GALNT13: variants seen among roughly 807,000 people sequenced by gnomAD.
GALNT13 encodes polypeptide N-acetylgalactosaminyltransferase 13, also known as UDP-GalNAc:polypeptide N-acetylgalactosaminyltransferase 13.
Under a neutral mutation model 64.2 loss-of-function variants are expected in GALNT13, and 28 were observed. The observed-to-expected ratio is 0.44, with a 90% CI of 0.32 to 0.60. The LOEUF (loss-of-function observed/expected upper bound fraction) is 0.60. GALNT13 is among the 20% of genes least tolerant of loss of function. The probability of loss-of-function intolerance (pLI) is 0.05; values close to 1 mark genes in which losing one functional copy is unlikely to be tolerated. For missense variants in GALNT13, 577 were observed against 669.8 expected, an observed-to-expected ratio of 0.86 and a Z score of 1.53; for synonymous variants, 214 against 224.6, an observed-to-expected ratio of 0.95 and a Z score of 0.42.
At chr2:153,124,069 A>C in the GALNT13 span, among the ~76,000 whole-genome samples, 12 of 152,158 alleles carry the variant, frequency 7.9e-5, no homozygotes, top group Non-Finnish European at 1.8e-4. Flanking sequence ...CCGTGTTGTG[A>C]GCTGCTTTAT....
chr2:153,326,387 CAT>C, the GALNT13 span, among the ~76,000 whole-genome samples: 2 of 150,632 alleles, frequency 1.3e-5, no homozygotes, highest in African/African-American at 4.9e-5. Flanking sequence ...TGTCTTTGCA[CAT>C]GAGATGGGTC....
At chr2:153,729,401 A>G in the GALNT13 span, among the ~76,000 whole-genome samples, 5 of 152,120 alleles carry the variant, frequency 3.3e-5, no homozygotes, top group African/African-American at 1.2e-4. Context: ...ATTTTAATAT[A>G]GTTTAATTTA....
At chr2:153,903,267 A>G (rs1026576158) in intron 2 of GALNT13, among the ~76,000 whole-genome samples, 17 of 152,174 alleles carry the variant, frequency 1.1e-4, no homozygotes, top group Non-Finnish European at 2.1e-4. Flanking sequence ...AAGATTTTGT[A>G]TCTTGGGTCC....
At chr2:153,421,135 G>T in the GALNT13 span, 1 of 255,254 alleles carries the variant, frequency 3.9e-6, no homozygotes, top group Non-Finnish European at 8.3e-6. Flanking sequence ...GGCTCAAAGT[G>T]AGCACTGGTG....
At chr2:153,595,448 A>G in the GALNT13 span, among the ~76,000 whole-genome samples, 1 of 151,968 alleles carries the variant, frequency 6.6e-6, no homozygotes, top group Non-Finnish European at 1.5e-5. Flanking sequence ...TTTATGTTAT[A>G]TAAAAAACTC....
chr2:154,221,273 A>G lies in GALNT13; in HGVS notation c.312-20757A>G, dbSNP rs192299942. On this transcript the variant is annotated intron_variant, in intron 4 of 12. Transcript: ENST00000392825. ...CGAATAATTATTAATAGAAATAGTA[A>G]TGTTTATTTTTCATTGTTATATCAT... 6.7e-3 allele frequency among the ~76,000 whole-genome samples: 1,015 copies of G among 152,084 alleles called. 8 individuals carry two copies. The highest frequency in any genetic ancestry group is 0.024 in the African/African-American group (981 of 41,532).
At chr2:154,157,310 G>A (rs953391353) in intron 4 of GALNT13, among the ~76,000 whole-genome samples, 2 of 152,076 alleles carry the variant, frequency 1.3e-5, no homozygotes, top group African/African-American at 4.8e-5. Flanking sequence ...GTTACAACCA[G>A]CCCATCCTCT....
At chr2:154,316,957 A>T (rs1417098828) in intron 9 of GALNT13, among the ~76,000 whole-genome samples, 1 of 152,206 alleles carries the variant, frequency 6.6e-6, no homozygotes, top group Non-Finnish European at 1.5e-5. Flanking sequence ...TGATGCCTGT[A>T]ATCCCAGCAC....
At chr2:153,151,804 G>A in the GALNT13 span, among the ~76,000 whole-genome samples, 1 of 146,614 alleles carries the variant, frequency 6.8e-6, no homozygotes, top group Non-Finnish European at 1.5e-5. Flanking sequence ...CACAGGAAGG[G>A]GAACATCACA....
chr2:154,225,101 G>GAGATGATAGAT (rs1688519800), intron 4 of GALNT13, among the ~76,000 whole-genome samples: 1 of 136,110 alleles, frequency 7.3e-6, no homozygotes, highest in Non-Finnish European at 1.6e-5. Flanking sequence ...CACACATGGA[G>GAGATGATAGAT]AGATAGATAG....
chr2:153,429,314 T>C, the GALNT13 span, among the ~76,000 whole-genome samples: 1 of 152,210 alleles, frequency 6.6e-6, no homozygotes, highest in Non-Finnish European at 1.5e-5. Flanking sequence ...TCCCATCTTA[T>C]TTGTTGGTAT....
chr2:154,383,050 C>G (rs1698348209), intron 9 of GALNT13, among the ~76,000 whole-genome samples: 1 of 151,996 alleles, frequency 6.6e-6, no homozygotes, highest in Non-Finnish European at 1.5e-5. Context: ...CTGAGACACA[C>G]TGGAGGTGAG....
chr2:154,397,998 A>G (rs1184005990), intron 10 of GALNT13, among the ~76,000 whole-genome samples: 1 of 152,220 alleles, frequency 6.6e-6, no homozygotes, highest in Non-Finnish European at 1.5e-5. Flanking sequence ...ACAGGGATTT[A>G]TATTTAATGC....
At chr2:154,338,150 C>T (rs1384165664) in intron 9 of GALNT13, among the ~76,000 whole-genome samples, 3 of 152,024 alleles carry the variant, frequency 2.0e-5, no homozygotes, top group Non-Finnish European at 4.4e-5. Flanking sequence ...GATCAACTTT[C>T]ACATAATATA....
At chr2:154,064,179 A>G (rs887546887) in intron 3 of GALNT13, among the ~76,000 whole-genome samples, 2 of 152,186 alleles carry the variant, frequency 1.3e-5, no homozygotes, top group African/African-American at 4.8e-5. Context: ...TGGAAGGAGC[A>G]TGTACACCAG....
At chr2:153,772,071 C>A in the GALNT13 span, among the ~76,000 whole-genome samples, 1 of 152,158 alleles carries the variant, frequency 6.6e-6, no homozygotes, top group South Asian at 2.1e-4. Flanking sequence ...AGTCTTGTGA[C>A]TGGAGAGAGC....
At chr2:154,146,310 T>C (rs1415858041) in intron 4 of GALNT13, among the ~76,000 whole-genome samples, 1 of 151,972 alleles carries the variant, frequency 6.6e-6, no homozygotes, top group Admixed American at 6.6e-5. Context: ...AGGCATGTTC[T>C]CAGAGACACA....
the GALNT13 span, among the ~76,000 whole-genome samples, chr2:153,837,479 C>T: frequency 6.6e-6 from 1 of 151,890 alleles, no homozygotes; most frequent in African/African-American, 2.4e-5. Flanking sequence ...TTTTAGATTC[C>T]ATGTATTTAA....
intron 4 of GALNT13, among the ~76,000 whole-genome samples, chr2:154,168,474 G>A (rs1255226942): frequency 6.6e-6 from 1 of 151,950 alleles, no homozygotes; most frequent in Non-Finnish European, 1.5e-5. Flanking sequence ...CTAAAATAAT[G>A]TTTGACCAAA....
Sources: allele counts gnomAD v4.1 joint callset (sites outside exome capture counted in the v4.1 genomes callset), GRCh38; gene constraint gnomAD v4.1.1; transcripts MANE v1.5; gene names NCBI Gene and HGNC (gene_info 2026-07-23, HGNC 2026-07-21).